The following RPN1 variants were observed in gnomAD, a reference collection of about 807,000 sequenced individuals.
RPN1 encodes the protein dolichyl-diphosphooligosaccharide--protein glycosyltransferase subunit 1.
Under a neutral mutation model 55.5 loss-of-function variants are expected in RPN1, and 12 were observed. The ratio of observed to expected loss-of-function variants is 0.22; its 90% CI spans 0.14 to 0.35. RPN1 has a LOEUF of 0.35. Ranked by LOEUF, RPN1 falls within the 10% of genes least tolerant of loss-of-function variation. The pLI, the probability that RPN1 is intolerant of heterozygous loss-of-function variation, is 1.00. For synonymous variants in RPN1, 317 were observed against 305.9 expected, an observed-to-expected ratio of 1.04 and a Z score of -0.38; for missense variants, 679 against 761.3, an observed-to-expected ratio of 0.89 and a Z score of 1.27.
intron 1 of RPN1, among the ~76,000 whole-genome samples, chr3:128,648,521 T>C (rs918367587): frequency 4.6e-5 from 7 of 151,748 alleles, no homozygotes; most frequent in Non-Finnish European, 8.8e-5. Flanking sequence ...GATAGCGCCA[T>C]TGCACTCCAG....
intron 2 of RPN1, among the ~76,000 whole-genome samples, chr3:128,643,290 G>A (rs1341751589): frequency 1.3e-5 from 2 of 149,680 alleles, no homozygotes; most frequent in African/African-American, 2.5e-5. Flanking sequence ...TCACGCCACT[G>A]CACTCCAGTC....
In RPN1 at chr3:128,644,983, C is replaced by G; in HGVS notation, c.262G>C (p.Val88Leu). ...EARLAHLGVQ[V>L]KGEDEEENNL... Reference sequence around the variant, plus strand: ...TTCTCTTCCTCATCTTCTCCCTTTACCTACAACAGAAAAAGATAGTTTATT... The same window carrying G: ...TTCTCTTCCTCATCTTCTCCCTTTAGCTACAACAGAAAAAGATAGTTTATT... The change falls in exon 2 of 10, where the codon GTA becomes CTA. Residue 88 changes from valine to leucine, a missense_variant and splice_region_variant. Transcript: ENST00000296255. 1 of 1,548,196 alleles carries G rather than the reference C, an allele frequency of 6.5e-7. No individual in the cohort carries two copies. Among genetic ancestry groups the G allele is most frequent in the South Asian group, 1.1e-5 (1 of 89,456 alleles).
In RPN1 at chr3:128,620,525, C is replaced by G; in HGVS notation, c.1710G>C (p.Glu570Asp). 6.2e-7 allele frequency: 1 copy of G among 1,614,172 alleles called. No homozygotes were observed. Among genetic ancestry groups the G allele is most frequent in the Non-Finnish European group, 8.5e-7 (1 of 1,180,020 alleles). ...ELVLKSAVEA[E>D]RLVAGKLKKD... ...TCTTGAGCTTGCCAGCCACCAGGCG[C>G]TCAGCCTCCACCGCCGACTTCAGCA... Residue 570 changes from glutamate (E) to aspartate (D), a missense_variant, in exon 10 of 10, where the codon GAG becomes GAC. Physicochemically the swap from Glu to Asp is conservative, Grantham distance 45 (BLOSUM62 2). This residue lies in a region of RPN1 where 306 missense variants were observed against 360.0 expected (regional missense o/e 0.85). Transcript: ENST00000296255.
intron 1 of RPN1, among the ~76,000 whole-genome samples, chr3:128,646,242 A>T (rs2069767126): frequency 6.6e-6 from 1 of 151,562 alleles, no homozygotes; most frequent in Non-Finnish European, 1.5e-5. Flanking sequence ...AAAAAAAAAA[A>T]AAGTCTCATG....
intron 1 of RPN1, among the ~76,000 whole-genome samples, chr3:128,645,972 C>T (rs978539408): frequency 2.0e-5 from 3 of 151,404 alleles, no homozygotes; most frequent in Middle Eastern, 3.5e-3. Context: ...GGGCTGGGCG[C>T]AGTGGCTCAC....
chr3:128,636,989 C>G (rs567325650), intron 3 of RPN1, among the ~76,000 whole-genome samples: 3 of 152,186 alleles, frequency 2.0e-5, no homozygotes, highest in African/African-American at 7.2e-5. Context: ...GTAATCCCAG[C>G]ACTTTGGGAG....
intron 3 of RPN1, among the ~76,000 whole-genome samples, chr3:128,635,905 T>C (rs1406828493): frequency 6.6e-6 from 1 of 151,680 alleles, no homozygotes; most frequent in African/African-American, 2.4e-5. Flanking sequence ...TTATGTATGA[T>C]TTTGTTACAT....
chr3:128,643,688 C>T, intron 2 of RPN1, among the ~76,000 whole-genome samples: 1 of 151,736 alleles, frequency 6.6e-6, no homozygotes, highest in East Asian at 1.9e-4. Flanking sequence ...CACAGCTACT[C>T]GGGAGGCTGC....
chr3:128,624,798 T>C (rs2069587152), intron 8 of RPN1, among the ~76,000 whole-genome samples: 1 of 151,674 alleles, frequency 6.6e-6, no homozygotes, highest in South Asian at 2.1e-4. Flanking sequence ...ATCGCGCCAC[T>C]GCACTCCAGC....
intron 9 of RPN1, among the ~76,000 whole-genome samples, chr3:128,621,670 T>G (rs568230287): frequency 6.6e-6 from 1 of 152,210 alleles, no homozygotes; most frequent in Non-Finnish European, 1.5e-5. Context: ...GACAGGGTTC[T>G]GAATATTTTG....
intron 1 of RPN1, among the ~76,000 whole-genome samples, chr3:128,646,983 A>G (rs2107722812): frequency 6.6e-6 from 1 of 152,156 alleles, no homozygotes; most frequent in Admixed American, 6.6e-5. Context: ...AAAAAAAAAA[A>G]AAAATGGTTA....
intron 3 of RPN1, among the ~76,000 whole-genome samples, chr3:128,633,515 G>A (rs2069655828): frequency 6.6e-6 from 1 of 151,980 alleles, no homozygotes; most frequent in South Asian, 2.1e-4. Flanking sequence ...TGCCCAACCA[G>A]CAAGAGATTT....
intron 3 of RPN1, among the ~76,000 whole-genome samples, chr3:128,637,475 A>G (rs1392424026): frequency 6.6e-6 from 1 of 152,096 alleles, no homozygotes; most frequent in African/African-American, 2.4e-5. Flanking sequence ...CCACTCCAAC[A>G]GCTTTGCTAC....
In RPN1 at chr3:128,620,028, AAAAAC is replaced by A; in HGVS notation, c.*378_*382del. On this transcript the variant is annotated 3_prime_UTR_variant, in exon 10 of 10. Coordinates refer to ENST00000296255, the MANE Select transcript of RPN1 (RefSeq NM_002950.4). ...TCACACACGCTTTAAAAAAAAAAAA[AAAAAC>A]ACATGCACTCACACAATACCCAAAC... The A allele has an allele frequency of 4.4e-6, 1 of 225,926 alleles. No individual in the cohort carries two copies. The highest frequency in any genetic ancestry group is 5.7e-5 in the Admixed American group (1 of 17,442). The allele number at this position is 225,926 out of a possible 1,614,324, so 14.0% of individuals were successfully genotyped here. A position where few individuals can be genotyped will look rare whatever the true frequency, so the allele number is the denominator to read the frequency against.
At chr3:128,647,941 T>C (rs2069781067) in intron 1 of RPN1, among the ~76,000 whole-genome samples, 1 of 152,070 alleles carries the variant, frequency 6.6e-6, no homozygotes, top group Non-Finnish European at 1.5e-5. Flanking sequence ...TGCTAGCTCC[T>C]AAAATTCTAC....
At chr3:128,629,537 G>A (rs1297681126) in intron 5 of RPN1, among the ~76,000 whole-genome samples, 2 of 152,070 alleles carry the variant, frequency 1.3e-5, no homozygotes, top group Non-Finnish European at 2.9e-5. Flanking sequence ...CTCCAGCCTG[G>A]GTGGCAAGAG....
chr3:128,641,891 G>A (rs1449086535), intron 2 of RPN1, among the ~76,000 whole-genome samples: 1 of 152,058 alleles, frequency 6.6e-6, no homozygotes, highest in South Asian at 2.1e-4. Context: ...GATTACAGGC[G>A]TGAGCCACCA....
chr3:128,629,282 C>T (rs935457281), intron 5 of RPN1, among the ~76,000 whole-genome samples: 5 of 152,078 alleles, frequency 3.3e-5, no homozygotes, highest in African/African-American at 9.6e-5. Context: ...AAGACTTGGC[C>T]GGGCATGGTG....
chr3:128,629,852 C>T lies in RPN1; in HGVS notation c.1036+99G>A, dbSNP rs571880597. On this transcript the variant is annotated intron_variant, in intron 5 of 9. Coordinates refer to ENST00000296255, the MANE Select transcript of RPN1 (RefSeq NM_002950.4). ...ATAAAACCAGCCTTCCTCAGAATGA[C>T]AAATGAACACACCCCATCTATAAAG... 6 of 663,556 alleles carry T rather than the reference C, an allele frequency of 9.0e-6. No individual in the cohort carries two copies. The East Asian group carries it at 1.6e-4, about 18-fold the overall frequency. The allele number at this position is 663,556 out of a possible 1,614,324, so 41.1% of individuals were successfully genotyped here. A position where few individuals can be genotyped will look rare whatever the true frequency, so the allele number is the denominator to read the frequency against.
Sources: allele counts gnomAD v4.1 joint callset (sites outside exome capture counted in the v4.1 genomes callset), GRCh38; gene constraint gnomAD v4.1.1; regional missense constraint gnomAD v4.1.1; transcripts MANE v1.5; gene names NCBI Gene and HGNC (gene_info 2026-07-23, HGNC 2026-07-21).